The following BPTF variants were observed in gnomAD, a reference collection of about 807,000 sequenced individuals.
BPTF encodes bromodomain PHD finger transcription factor, also known as nucleosome-remodeling factor subunit BPTF.
A neutral mutation model predicts 292.5 loss-of-function variants in BPTF; 18 were observed. That is an observed-to-expected ratio of 0.06 (90% CI 0.04 to 0.09). The LOEUF (loss-of-function observed/expected upper bound fraction) is 0.09. Among genes scored for constraint, BPTF ranks in the 10% least tolerant of loss-of-function variants. The pLI is 1.00. For missense variants in BPTF, 2,726 were observed against 3,498.7 expected, an observed-to-expected ratio of 0.78 and a Z score of 5.57; for synonymous variants, 1,225 against 1,251.9, an observed-to-expected ratio of 0.98 and a Z score of 0.45.
chr17:67,858,638 C>T (rs1054434392), intron 2 of BPTF, among the ~76,000 whole-genome samples: 4 of 152,056 alleles, frequency 2.6e-5, no homozygotes, highest in East Asian at 3.9e-4. Flanking sequence ...TCAGGGAGCC[C>T]GGTGCTTGTA....
intron 2 of BPTF, among the ~76,000 whole-genome samples, chr17:67,856,239 T>C (rs559993927): frequency 9.8e-5 from 15 of 152,308 alleles, no homozygotes; most frequent in Admixed American, 9.8e-4. Flanking sequence ...CGTCCAACCC[T>C]GTTATCCAGT....
intron 23 of BPTF, among the ~76,000 whole-genome samples, chr17:67,957,548 T>TA (rs1568177786): frequency 6.6e-6 from 1 of 152,112 alleles, no homozygotes; most frequent in Admixed American, 6.5e-5. Flanking sequence ...AAAGAATTTT[T>TA]AAAAAAATTT....
intron 7 of BPTF, 39 bp downstream of exon 7, chr17:67,894,204 AC>A: frequency 1.3e-6 from 2 of 1,588,500 alleles, no homozygotes; most frequent in Non-Finnish European, 1.7e-6. Flanking sequence ...TGAGTATTGG[AC>A]TCCCTTTTGA....
At chr17:67,972,180 T>C (rs1483028409) in intron 26 of BPTF, among the ~76,000 whole-genome samples, 1 of 152,184 alleles carries the variant, frequency 6.6e-6, no homozygotes, top group Admixed American at 6.6e-5. Flanking sequence ...ATATTTCTTA[T>C]ATTTTTCTCT....
At chr17:67,829,214 T>G (rs2056417560) in intron 1 of BPTF, among the ~76,000 whole-genome samples, 1 of 152,104 alleles carries the variant, frequency 6.6e-6, no homozygotes, top group East Asian at 1.9e-4. Flanking sequence ...AGTTACTTTG[T>G]TTTTGAGTTG....
chr17:67,899,819 G>A (rs58842890), intron 7 of BPTF, among the ~76,000 whole-genome samples: 1,723 of 152,050 alleles, frequency 0.011, 27 homozygotes, highest in African/African-American at 0.039. Context: ...ATGAGCCACC[G>A]CGCCCGGCCT....
intron 9 of BPTF, among the ~76,000 whole-genome samples, chr17:67,908,558 T>G (rs2062401864): frequency 6.9e-6 from 1 of 145,214 alleles, no homozygotes; most frequent in Non-Finnish European, 1.5e-5. Flanking sequence ...AGTGGTACGA[T>G]CTCAGTTCAC....
At chr17:67,973,491 G>T (rs2069032422) in intron 26 of BPTF, among the ~76,000 whole-genome samples, 1 of 151,668 alleles carries the variant, frequency 6.6e-6, no homozygotes. Flanking sequence ...GTAGGCAGTT[G>T]CCCCAAACCC....
intron 1 of BPTF, among the ~76,000 whole-genome samples, chr17:67,834,559 T>G (rs1251003084): frequency 1.3e-5 from 2 of 152,176 alleles, no homozygotes; most frequent in African/African-American, 4.8e-5. Flanking sequence ...TCTAGCAATC[T>G]TCATGTATTT....
At chr17:67,879,855 C>G (rs1189945660) in intron 4 of BPTF, among the ~76,000 whole-genome samples, 1 of 152,124 alleles carries the variant, frequency 6.6e-6, no homozygotes, top group East Asian at 1.9e-4. Context: ...AACACCCAAC[C>G]CGAGAGCATT....
Position 67,928,405 on chromosome 17 carries a change from C to T in BPTF, c.5802C>T (p.Ser1934=). ...KPTVIATSTT[S]PTSSTTSTIS... ...CAGTGATTGCAACTTCCACTACTTC[C>T]CCAACAAGCAGTACAACCAGCACCA... Residue 1934 remains serine (S), a synonymous_variant, in exon 16 of 28, where the codon TCC becomes TCT. Transcript: ENST00000306378. 6.2e-7 allele frequency: 1 copy of T among 1,613,782 alleles called. No individual in the cohort carries two copies. Among genetic ancestry groups the T allele is most frequent in the East Asian group, 2.2e-5 (1 of 44,874 alleles).
intron 21 of BPTF, among the ~76,000 whole-genome samples, chr17:67,947,492 T>C (rs1188730259): frequency 6.6e-6 from 1 of 152,222 alleles, no homozygotes; most frequent in African/African-American, 2.4e-5. Context: ...TATGGTTCAG[T>C]GTTGTTGTAA....
chr17:67,877,698 A>G (rs1055176341), intron 4 of BPTF, among the ~76,000 whole-genome samples: 1 of 152,154 alleles, frequency 6.6e-6, no homozygotes, highest in Non-Finnish European at 1.5e-5. Flanking sequence ...GGCTCACTGC[A>G]GGCTTGACCT....
chr17:67,860,760 T>G (rs2059027501), intron 2 of BPTF, among the ~76,000 whole-genome samples: 1 of 152,224 alleles, frequency 6.6e-6, no homozygotes, highest in Non-Finnish European at 1.5e-5. Flanking sequence ...AGTCTCACTA[T>G]GTTGCCAGGC....
chr17:67,976,582 A>C (rs1437213229), intron 27 of BPTF, among the ~76,000 whole-genome samples: 2 of 149,970 alleles, frequency 1.3e-5, no homozygotes, highest in Admixed American at 6.7e-5. Flanking sequence ...GCTACTCAGG[A>C]GGCTGTGACA....
At chr17:67,917,617 TTTAA>T (rs376041236) in intron 11 of BPTF, among the ~76,000 whole-genome samples, 11,462 of 151,248 alleles carry the variant, frequency 0.076, 447 homozygotes, top group South Asian at 0.13. Flanking sequence ...TTTGGTTTAA[TTTAA>T]TTAATTAATT....
chr17:67,861,443 A>C (rs2059079592), intron 2 of BPTF, among the ~76,000 whole-genome samples: 1 of 150,222 alleles, frequency 6.7e-6, no homozygotes, highest in South Asian at 2.1e-4. Context: ...GCGACTCCCG[A>C]GTGGGTGGGA....
Position 67,929,351 on chromosome 17 carries a change from A to G in BPTF, c.6014A>G (p.Gln2005Arg), listed in dbSNP as rs757240673. 2.5e-6 allele frequency: 4 copies of G among 1,613,946 alleles called. No individual in the cohort carries two copies. Among genetic ancestry groups the G allele is most frequent in the Admixed American group, 3.3e-5 (2 of 59,952 alleles). ...GQSNSGVVQV[Q>R]QKVLGIIPSS... ...TTTTTTTAAGGCGTTGTTCAAGTAC[A>G]GCAGAAAGTCCTGGGTATCATTCCA... is the stretch of plus-strand genomic sequence containing the variant. The change falls in exon 17 of 28, where the codon CAG becomes CGG. Residue 2005 changes from glutamine to arginine, a missense_variant. By Grantham distance (43) the Gln-to-Arg change is conservative. Transcript: ENST00000306378.
rs563627894 is a variant in BPTF, at chr17:67,945,224, G to T, written c.6701-185G>T. Among the ~76,000 whole-genome samples, 269 of 151,560 alleles carry T rather than the reference G, an allele frequency of 1.8e-3. 4 individuals are homozygous for T. Among genetic ancestry groups the T allele is most frequent in the African/African-American group, 6.1e-3 (251 of 41,322 alleles). ...ATAATTTTTTATTTTTTTTGTTTTT[G>T]TGTAGAGACGGGGTCTCACTATGTT... On this transcript the variant is annotated intron_variant, in intron 20 of 27. Transcript: ENST00000306378.
Sources: gnomAD v4.1 joint callset for allele counts (sites outside exome capture counted in the v4.1 genomes callset) on GRCh38, gnomAD v4.1.1 for gene constraint, MANE v1.5 for transcripts, NCBI Gene and HGNC (gene_info 2026-07-23, HGNC 2026-07-21) for gene names.